Variants in ADGRG7 observed in about 807,000 individuals in gnomAD.
ADGRG7 encodes the protein adhesion G protein-coupled receptor G7, also known as G-protein coupled receptor 128.
ADGRG7 carries 82 observed loss-of-function variants against 88.6 expected under a neutral mutation model. The observed-to-expected ratio is 0.93, with a 90% CI of 0.77 to 1.11. The LOEUF (loss-of-function observed/expected upper bound fraction) is 1.11, where lower values mean the gene tolerates loss of function less well. ADGRG7 is among the 50% of genes most tolerant of loss of function. The pLI is 0.00. For synonymous variants in ADGRG7, 381 were observed against 345.2 expected, an observed-to-expected ratio of 1.10 and a Z score of -1.15; for missense variants, 945 against 953.4, an observed-to-expected ratio of 0.99 and a Z score of 0.12.
chr3:100,643,573 G>A lies in ADGRG7; in HGVS notation c.886G>A (p.Val296Met). ...VSSSTFIHTNVDGLNPDAQTE... is the reference protein window; with the variant it reads ...VSSSTFIHTNMDGLNPDAQTE... ...TAGTTCAACATTTATACATACAAAT[G>A]TGGATGGCCTTAACCCAGATGCACA... The change falls in exon 8 of 16, where the codon GTG becomes ATG. Residue 296 changes from valine to methionine, a missense_variant. By Grantham distance (21) the Val-to-Met change is conservative. Transcript: ENST00000273352. 1 of 1,614,004 alleles carries A rather than the reference G, an allele frequency of 6.2e-7. No individual in the cohort carries two copies. Among genetic ancestry groups the A allele is most frequent in the Non-Finnish European group, 8.5e-7 (1 of 1,179,938 alleles).
chr3:100,658,903 T>C (rs560772734), intron 13 of ADGRG7, among the ~76,000 whole-genome samples: 1 of 152,144 alleles, frequency 6.6e-6, no homozygotes, highest in East Asian at 1.9e-4. Context: ...TCTAAAACAG[T>C]GTCTAGCACA....
intron 1 of ADGRG7, among the ~76,000 whole-genome samples, chr3:100,611,301 T>TTCC (rs1353074733): frequency 4.2e-5 from 5 of 118,756 alleles, no homozygotes; most frequent in Non-Finnish European, 1.7e-5. Context: ...CCTTCCTTCC[T>TTCC]TTCTTCTTTC....
intron 1 of ADGRG7, among the ~76,000 whole-genome samples, chr3:100,613,324 A>G (rs915127663): frequency 6.6e-6 from 1 of 152,180 alleles, no homozygotes; most frequent in Non-Finnish European, 1.5e-5. Context: ...TCAGAGGCAA[A>G]CTCAATAAAT....
At chr3:100,623,925 C>G (rs1707347283) in intron 1 of ADGRG7, among the ~76,000 whole-genome samples, 1 of 152,020 alleles carries the variant, frequency 6.6e-6, no homozygotes, top group Admixed American at 6.6e-5. Context: ...GTATATGTAC[C>G]AAATTTTCTT....
At chr3:100,633,781 C>G (rs971633156) in intron 4 of ADGRG7, among the ~76,000 whole-genome samples, 2 of 152,142 alleles carry the variant, frequency 1.3e-5, no homozygotes, top group African/African-American at 4.8e-5. Context: ...CTCAGCCTCC[C>G]GAAGTGCAGG....
chr3:100,658,673 T>C (rs1217966993), intron 13 of ADGRG7, among the ~76,000 whole-genome samples: 1 of 152,148 alleles, frequency 6.6e-6, no homozygotes, highest in Non-Finnish European at 1.5e-5. Flanking sequence ...CCATGAGGTT[T>C]TCCCTGACCA....
chr3:100,680,803 T>G (rs938245167), intron 15 of ADGRG7, among the ~76,000 whole-genome samples: 1 of 152,198 alleles, frequency 6.6e-6, no homozygotes, highest in African/African-American at 2.4e-5. Flanking sequence ...TTACAAAACC[T>G]GCTATGCAAT....
intron 11 of ADGRG7, chr3:100,654,194 A>T (rs1160537679): frequency 6.6e-6 from 1 of 152,106 alleles, no homozygotes; most frequent in Admixed American, 6.5e-5. Context: ...ACACCTTTAT[A>T]CTAGGTTGTC....
intron 15 of ADGRG7, among the ~76,000 whole-genome samples, chr3:100,673,432 A>C (rs1359129552): frequency 1.4e-5 from 2 of 144,816 alleles, no homozygotes; most frequent in Non-Finnish European, 3.0e-5. Context: ...TCATTTTTTT[A>C]CCATGTCTGT....
At chr3:100,666,429 G>A (rs2094951829) in intron 14 of ADGRG7, among the ~76,000 whole-genome samples, 1 of 152,170 alleles carries the variant, frequency 6.6e-6, no homozygotes, top group Admixed American at 6.5e-5. Flanking sequence ...CATAGACAAG[G>A]TAAAGGATTA....
intron 9 of ADGRG7, 49 bp from the exon 10 acceptor site, chr3:100,646,520 C>A: frequency 1.4e-6 from 2 of 1,480,886 alleles, no homozygotes; most frequent in South Asian, 1.2e-5. Flanking sequence ...TTTTTTAACC[C>A]AATTAAGTAT....
At chr3:100,641,184 T>G (rs1210210597) in intron 6 of ADGRG7, among the ~76,000 whole-genome samples, 1 of 152,182 alleles carries the variant, frequency 6.6e-6, no homozygotes, top group Non-Finnish European at 1.5e-5. Flanking sequence ...GACAGCTGCC[T>G]GGGAAGCACA....
chr3:100,674,044 A>G (rs2094961885), intron 15 of ADGRG7, among the ~76,000 whole-genome samples: 1 of 152,170 alleles, frequency 6.6e-6, no homozygotes, highest in Non-Finnish European at 1.5e-5. Context: ...TTTCCCCTAA[A>G]CACTGCTTTA....
At chr3:100,652,391 G>T (rs183879881) in intron 11 of ADGRG7, among the ~76,000 whole-genome samples, 15 of 152,250 alleles carry the variant, frequency 9.9e-5, no homozygotes, top group African/African-American at 2.9e-4. Flanking sequence ...GAATAGAGAG[G>T]CATTTGAAGG....
At chr3:100,631,782 T>C (rs1256221755) in intron 3 of ADGRG7, among the ~76,000 whole-genome samples, 5 of 152,186 alleles carry the variant, frequency 3.3e-5, no homozygotes, top group Admixed American at 3.3e-4. Flanking sequence ...ACTTTTTATC[T>C]TATTATTATG....
intron 15 of ADGRG7, among the ~76,000 whole-genome samples, chr3:100,682,451 A>C (rs964715233): frequency 1.3e-5 from 2 of 152,210 alleles, no homozygotes; most frequent in Non-Finnish European, 2.9e-5. Flanking sequence ...GACGGCGCCA[A>C]GTTCCTGCGC....
chr3:100,611,401 C>T lies in ADGRG7; in HGVS notation c.115+1430C>T, dbSNP rs1373509512. ...ATTTTTAAAGGGAAATTTATGATGA[C>T]TTATAAAGGACACAGTTATAGCAAA... is the stretch of plus-strand genomic sequence containing the variant. On this transcript the variant is annotated intron_variant, in intron 1 of 15. Transcript: ENST00000273352. 2.6e-5 allele frequency among the ~76,000 whole-genome samples: 4 copies of T among 150,946 alleles called. No homozygotes were observed. The East Asian group carries it at 5.9e-4, about 22-fold the overall frequency.
chr3:100,664,806 C>CA (rs2094949747), intron 14 of ADGRG7, among the ~76,000 whole-genome samples: 1 of 152,048 alleles, frequency 6.6e-6, no homozygotes, highest in South Asian at 2.1e-4. Context: ...CACAAGAGTG[C>CA]AAAAAGTCCA....
intron 1 of ADGRG7, among the ~76,000 whole-genome samples, chr3:100,613,604 T>TA (rs1164549076): frequency 6.6e-6 from 1 of 152,118 alleles, no homozygotes; most frequent in Non-Finnish European, 1.5e-5. Flanking sequence ...TTTGGCTATG[T>TA]AATTGGCTGA....
Sources: gnomAD v4.1 joint callset for allele counts (sites outside exome capture counted in the v4.1 genomes callset) on GRCh38, gnomAD v4.1.1 for gene constraint, MANE v1.5 for transcripts, NCBI Gene and HGNC (gene_info 2026-07-23, HGNC 2026-07-21) for gene names.